The following HIVEP1 variants were observed in gnomAD, a reference collection of about 807,000 sequenced individuals.
HIVEP1 encodes HIVEP zinc finger 1, also known as zinc finger protein 40.
In HIVEP1, 36 loss-of-function variants were observed where a neutral mutation model predicts 180.0. The observed-to-expected ratio is 0.20, with a 90% CI of 0.15 to 0.26. The LOEUF is 0.26. Among genes scored for constraint, HIVEP1 ranks in the 10% least tolerant of loss-of-function variants. HIVEP1 has a pLI of 1.00. For missense variants in HIVEP1, 3,143 were observed against 3,268.7 expected, an observed-to-expected ratio of 0.96 and a Z score of 0.94; for synonymous variants, 1,239 against 1,239.0, an observed-to-expected ratio of 1.00 and a Z score of 0.00.
At chr6:12,068,046 G>A (rs1017059576) in intron 2 of HIVEP1, among the ~76,000 whole-genome samples, 2 of 152,102 alleles carry the variant, frequency 1.3e-5, no homozygotes, top group South Asian at 4.1e-4. Context: ...TAGAAGAGAT[G>A]CAGATTTTGA....
At chr6:12,159,270 T>TA (rs1309118758) in intron 7 of HIVEP1, among the ~76,000 whole-genome samples, 2 of 152,146 alleles carry the variant, frequency 1.3e-5, no homozygotes, top group Non-Finnish European at 2.9e-5. Context: ...CCATCCTTGT[T>TA]AGACTTTACA....
At chr6:12,204,092 A>G in the HIVEP1 span, among the ~76,000 whole-genome samples, 1 of 152,048 alleles carries the variant, frequency 6.6e-6, no homozygotes, top group Non-Finnish European at 1.5e-5. Flanking sequence ...AAAAAAGAAA[A>G]AGTGAAGTTG....
chr6:12,189,387 C>A, the HIVEP1 span, among the ~76,000 whole-genome samples: 1 of 151,592 alleles, frequency 6.6e-6, no homozygotes, highest in East Asian at 1.9e-4. Context: ...ATACAACATG[C>A]AAAATGAGTT....
intron 4 of HIVEP1, 72 bp from the exon 5 acceptor site, chr6:12,129,687 A>G: frequency 8.0e-7 from 1 of 1,251,976 alleles, no homozygotes; most frequent in Non-Finnish European, 1.2e-6. Flanking sequence ...CCATGTTTTA[A>G]TTTCCAGTGA....
intron 2 of HIVEP1, among the ~76,000 whole-genome samples, chr6:12,082,135 C>T (rs893406508): frequency 5.9e-5 from 9 of 152,020 alleles, no homozygotes; most frequent in Non-Finnish European, 1.2e-4. Flanking sequence ...ACTTCCCATT[C>T]TGCCTTAAAT....
chr6:12,079,932 G>A (rs1216729524), intron 2 of HIVEP1, among the ~76,000 whole-genome samples: 3 of 119,434 alleles, frequency 2.5e-5, no homozygotes, highest in African/African-American at 9.1e-5. Flanking sequence ...ATTCCTGATG[G>A]CATCTATCTA....
At chr6:12,182,671 T>A in the HIVEP1 span, among the ~76,000 whole-genome samples, 1 of 152,216 alleles carries the variant, frequency 6.6e-6, no homozygotes, top group South Asian at 2.1e-4. Context: ...CCTCTTGGGT[T>A]CTTTGTGACT....
intron 2 of HIVEP1, among the ~76,000 whole-genome samples, chr6:12,074,583 C>T (rs1772212694): frequency 6.6e-6 from 1 of 150,624 alleles, no homozygotes; most frequent in Non-Finnish European, 1.5e-5. Context: ...ATTTAGGGGT[C>T]TCCATAGATC....
At chr6:12,019,788 C>T (rs1354843436) in intron 2 of HIVEP1, among the ~76,000 whole-genome samples, 1 of 152,172 alleles carries the variant, frequency 6.6e-6, no homozygotes, top group Non-Finnish European at 1.5e-5. Context: ...CCTGCTGGGA[C>T]AGATATATCC....
At position 12,142,997 on chromosome 6, in the gene HIVEP1, C is replaced by CAA. The variant is rs1296608325; in HGVS notation, c.6487+7106_6487+7107dup. Reference sequence around the variant, plus strand: ...CCATTCCTTCTGAAACTATTCCAATCAATAGAAAAAGAGGGAATCCTCCCT... The same window carrying CAA: ...CCATTCCTTCTGAAACTATTCCAATCAAAATAGAAAAAGAGGGAATCCTCCCT... On this transcript the variant is annotated intron_variant, in intron 7 of 8. Transcript: ENST00000379388. Among the ~76,000 whole-genome samples, 6 of 152,234 alleles carry CAA rather than the reference C, an allele frequency of 3.9e-5. 1 individual carries two copies. In the South Asian group the frequency reaches 1.2e-3, roughly 32 times the overall value.
chr6:12,044,206 A>G (rs1193765467), intron 2 of HIVEP1, among the ~76,000 whole-genome samples: 1 of 152,198 alleles, frequency 6.6e-6, no homozygotes, highest in African/African-American at 2.4e-5. Context: ...CACCACCCCC[A>G]TAGAACGCTG....
chr6:12,123,888 C>T lies in HIVEP1; in HGVS notation c.4093C>T (p.Arg1365Cys), dbSNP rs759230959. Residue 1365 changes from arginine (R) to cysteine (C), a missense_variant, in exon 4 of 9, where the codon CGT becomes TGT. Arg to Cys is a radical substitution (Grantham distance 180). Around this residue, in one of 12 missense-constraint regions of HIVEP1, gnomAD observed 1,357 missense variants for 1,260.5 expected, o/e 1.08. Transcript: ENST00000379388. ...TCCTGGATGTCACCGGGAAATGAGG[C>T]GTACTGCATCAGAACAGATTAATTG... ...NVPGCHREMR[R>C]TASEQINCTQ... 9.9e-6 allele frequency: 16 copies of T among 1,614,094 alleles called. No homozygotes were observed. Among genetic ancestry groups the T allele is most frequent in the Admixed American group, 3.3e-5 (2 of 60,018 alleles).
At chr6:12,098,493 A>G (rs746696751) in intron 3 of HIVEP1, among the ~76,000 whole-genome samples, 2 of 152,246 alleles carry the variant, frequency 1.3e-5, no homozygotes, top group African/African-American at 2.4e-5. Flanking sequence ...AGAGTGACTT[A>G]TAAGGATAAT....
intron 6 of HIVEP1, 79 bp from the exon 7 acceptor site, chr6:12,135,712 G>T (rs765183131): frequency 4.1e-5 from 35 of 859,502 alleles, no homozygotes; most frequent in Non-Finnish European, 5.9e-5. Flanking sequence ...GCTTGAATAG[G>T]AATGAAATTT....
intron 3 of HIVEP1, among the ~76,000 whole-genome samples, chr6:12,097,527 C>T (rs1309585924): frequency 1.3e-5 from 2 of 152,080 alleles, no homozygotes; most frequent in African/African-American, 4.8e-5. Flanking sequence ...AGAAAGTCAT[C>T]TCCTTTTTTT....
chr6:12,138,854 C>T (rs1758844850), intron 7 of HIVEP1, among the ~76,000 whole-genome samples: 1 of 151,888 alleles, frequency 6.6e-6, no homozygotes, highest in Admixed American at 6.6e-5. Context: ...ATCCTTCCAT[C>T]TGCTTGGCCA....
chr6:12,200,672 C>T, the HIVEP1 span, among the ~76,000 whole-genome samples: 6 of 152,288 alleles, frequency 3.9e-5, no homozygotes, highest in South Asian at 1.0e-3. Flanking sequence ...TTAAAGGGAC[C>T]CAGAGATATG....
chr6:12,029,831 A>C (rs1471579628), intron 2 of HIVEP1, among the ~76,000 whole-genome samples: 1 of 152,202 alleles, frequency 6.6e-6, no homozygotes, highest in African/African-American at 2.4e-5. Context: ...ATTTAAGAGA[A>C]GAAATGAGAA....
chr6:12,191,943 C>T, the HIVEP1 span, among the ~76,000 whole-genome samples: 1 of 152,140 alleles, frequency 6.6e-6, no homozygotes, highest in Non-Finnish European at 1.5e-5. Context: ...GAACTGAGGC[C>T]AGAAAACATG....
Sources: gnomAD v4.1 joint callset for allele counts (sites outside exome capture counted in the v4.1 genomes callset) on GRCh38, gnomAD v4.1.1 for gene constraint, gnomAD v4.1.1 regional missense constraint, MANE v1.5 for transcripts, NCBI Gene and HGNC (gene_info 2026-07-23, HGNC 2026-07-21) for gene names.